The following CTDSPL variants were observed in gnomAD, a reference collection of about 807,000 sequenced individuals.
The protein encoded by CTDSPL is CTD small phosphatase-like protein.
A neutral mutation model predicts 30.5 loss-of-function variants in CTDSPL; 8 were observed. The ratio of observed to expected loss-of-function variants is 0.26; its 90% confidence interval spans 0.15 to 0.47. The LOEUF (loss-of-function observed/expected upper bound fraction) is 0.47. Ranked by LOEUF, CTDSPL falls within the 20% of genes least tolerant of loss-of-function variation. The probability of loss-of-function intolerance (pLI) is 0.99; values close to 1 mark genes in which losing one functional copy is unlikely to be tolerated. For missense variants in CTDSPL, 248 were observed against 366.1 expected (o/e 0.68, Z 2.63); for synonymous variants, 110 against 137.9 (o/e 0.80, Z 1.42).
At chr3:37,912,345 T>C (rs1183628974) in intron 1 of CTDSPL, among the ~76,000 whole-genome samples, 1 of 152,226 alleles carries the variant, frequency 6.6e-6, no homozygotes, top group Non-Finnish European at 1.5e-5. Context: ...GGATTTGTAG[T>C]ACCCAGCCTC....
In CTDSPL at chr3:37,969,293, C is replaced by T. The variant is rs186390027; in HGVS notation, c.426+1411C>T. On this transcript the variant is annotated intron_variant, in intron 5 of 7. Transcript: ENST00000273179. The stretch of plus-strand genomic sequence containing the variant: ...TGCAGGAGCTCCCCCACCCTCCATC[C>T]TGGCTGTGCTGTGATATCACAAGGT... 5.6e-3 allele frequency: 2,585 copies of T among 459,624 alleles called. 8 individuals are homozygous for T. Among genetic ancestry groups the T allele is most frequent in the Non-Finnish European group, 9.0e-3 (2,001 of 223,390 alleles). 28.5% of individuals were successfully genotyped at this position (459,624 alleles called of 1,614,324 possible).
rs529193443 is a variant in CTDSPL at position 37,928,973 on chromosome 3, G to A, written c.80-18084G>A. On this transcript the variant is annotated intron_variant, in intron 1 of 7. Transcript: ENST00000273179. The stretch of plus-strand genomic sequence containing the variant: ...ACTTTTGTGTAGGGCATAAAATAAA[G>A]GTCCAACTTCATTCTTTTGCATGTG... Among the ~76,000 whole-genome samples, 3 of 152,220 alleles carry A rather than the reference G, an allele frequency of 2.0e-5. No individual in the cohort carries two copies. In the South Asian group the frequency reaches 6.2e-4, roughly 32 times the overall value.
At chr3:37,932,854 TAAAG>T (rs1030752411) in intron 1 of CTDSPL, among the ~76,000 whole-genome samples, 3 of 152,174 alleles carry the variant, frequency 2.0e-5, no homozygotes, top group African/African-American at 7.2e-5. Context: ...GACATGGACA[TAAAG>T]ATTATGTGCA....
chr3:37,888,045 G>A (rs1411762624), intron 1 of CTDSPL, among the ~76,000 whole-genome samples: 1 of 152,200 alleles, frequency 6.6e-6, no homozygotes, highest in Non-Finnish European at 1.5e-5. Context: ...CTGAAAAGAT[G>A]TGTGAGTGTT....
intron 1 of CTDSPL, among the ~76,000 whole-genome samples, chr3:37,882,347 C>T (rs1176771560): frequency 6.7e-6 from 1 of 150,250 alleles, no homozygotes; most frequent in Non-Finnish European, 1.5e-5. Flanking sequence ...GAGGCTGAGG[C>T]AGGAGAATGG....
At chr3:37,929,255 A>G (rs1465890032) in intron 1 of CTDSPL, among the ~76,000 whole-genome samples, 1 of 152,156 alleles carries the variant, frequency 6.6e-6, no homozygotes. Context: ...TGTTTTGGCT[A>G]TTAAGGGTCT....
rs567672885 is a variant in CTDSPL, at chr3:37,869,817, G to T, written c.79+7539G>T. Among the ~76,000 whole-genome samples, 6 of 152,168 alleles carry T rather than the reference G, an allele frequency of 3.9e-5. No individual in the cohort carries two copies. In the South Asian group the frequency reaches 1.0e-3, roughly 26 times the overall value. On this transcript the variant is annotated intron_variant, in intron 1 of 7. Coordinates refer to ENST00000273179, the MANE Select transcript of CTDSPL (RefSeq NM_001008392.2). Reference sequence around the variant, plus strand: ...AATTTTTCTGAGAGTTTTTAATCAAGAATGAATGTTAACTTTTGTCTTATG... The same window carrying T: ...AATTTTTCTGAGAGTTTTTAATCAATAATGAATGTTAACTTTTGTCTTATG...
chr3:37,915,459 C>T (rs1283511915), intron 1 of CTDSPL, among the ~76,000 whole-genome samples: 3 of 151,842 alleles, frequency 2.0e-5, no homozygotes, highest in Non-Finnish European at 2.9e-5. Flanking sequence ...TATCTTTTAC[C>T]CTCTCATCTT....
chr3:37,977,991 T>C (rs772490181), intron 7 of CTDSPL, among the ~76,000 whole-genome samples: 1 of 152,256 alleles, frequency 6.6e-6, no homozygotes, highest in African/African-American at 2.4e-5. Context: ...AGCCCACTTT[T>C]AAAGATTTAA....
At chr3:37,960,528 ATATAT>A (rs1699230807) in intron 3 of CTDSPL, among the ~76,000 whole-genome samples, 1 of 77,366 alleles carries the variant, frequency 1.3e-5, no homozygotes, top group African/African-American at 5.3e-5. Flanking sequence ...ATATATATAT[ATATAT>A]ATACACACAC....
intron 4 of CTDSPL, among the ~76,000 whole-genome samples, chr3:37,965,616 C>G (rs1427700851): frequency 6.6e-6 from 1 of 152,146 alleles, no homozygotes; most frequent in Non-Finnish European, 1.5e-5. Flanking sequence ...TGAAGGTCAC[C>G]ATCCATGATG....
At chr3:37,889,615 A>T (rs1698301925) in intron 1 of CTDSPL, among the ~76,000 whole-genome samples, 2 of 152,234 alleles carry the variant, frequency 1.3e-5, no homozygotes, top group South Asian at 4.1e-4. Context: ...GAATTTTCAG[A>T]ACTGAAGGTC....
rs867238622 is a variant in CTDSPL at position 37,904,690 on chromosome 3, G to A, written c.80-42367G>A. 5.9e-5 allele frequency among the ~76,000 whole-genome samples: 9 copies of A among 152,272 alleles called. No homozygotes were observed. The South Asian group carries it at 1.4e-3, about 25-fold the overall frequency. On this transcript the variant is annotated intron_variant, in intron 1 of 7. Transcript: ENST00000273179. Reference sequence around the variant, plus strand: ...TCAGCCCCCTTTTTATAGAGAAAACGTATGAGTGGCCAGGAGTCCCTTTCT... The same window carrying A: ...TCAGCCCCCTTTTTATAGAGAAAACATATGAGTGGCCAGGAGTCCCTTTCT...
At chr3:37,927,706 A>ATATATATATAT (rs61251867) in intron 1 of CTDSPL, among the ~76,000 whole-genome samples, 1 of 144,574 alleles carries the variant, frequency 6.9e-6, no homozygotes, top group African/African-American at 2.7e-5. Flanking sequence ...ATATATATAT[A>ATATATATATAT]AAAAATGAAA....
At chr3:37,968,778 T>C (rs953316150) in intron 5 of CTDSPL, among the ~76,000 whole-genome samples, 3 of 152,208 alleles carry the variant, frequency 2.0e-5, no homozygotes, top group African/African-American at 7.2e-5. Flanking sequence ...AGCTGCCTCA[T>C]TGTCTAGATG....
In CTDSPL at chr3:37,982,315, G is replaced by A; in HGVS notation, c.*1448G>A. On this transcript the variant is annotated 3_prime_UTR_variant, in exon 8 of 8. Transcript: ENST00000273179. ...GAGAGGAAGAGCTCCCACAGGGAGA[G>A]CCCAGGCTCTCTTTGCAGCCTTTCC... The A allele has an allele frequency of 5.8e-6, 2 of 343,862 alleles. No individual in the cohort carries two copies. The highest frequency in any genetic ancestry group is 4.5e-5 in the South Asian group (2 of 44,062). The allele number at this position is 343,862 out of a possible 1,614,324, so 21.3% of individuals were successfully genotyped here.
chr3:37,946,462 T>C (rs1699039847), intron 1 of CTDSPL, among the ~76,000 whole-genome samples: 1 of 152,184 alleles, frequency 6.6e-6, no homozygotes, highest in African/African-American at 2.4e-5. Context: ...AGCCCTAAGC[T>C]CTGTGGATCC....
chr3:37,977,836 G>T (rs1699447030), intron 7 of CTDSPL, among the ~76,000 whole-genome samples: 1 of 152,026 alleles, frequency 6.6e-6, no homozygotes, highest in Non-Finnish European at 1.5e-5. Flanking sequence ...GGTCGAGGCT[G>T]CAGTGAGCCA....
intron 1 of CTDSPL, among the ~76,000 whole-genome samples, chr3:37,919,060 G>A (rs1698683849): frequency 6.6e-6 from 1 of 152,140 alleles, no homozygotes; most frequent in Admixed American, 6.6e-5. Flanking sequence ...TTGGCTGAAT[G>A]GATTCCATGC....
Sources: allele counts gnomAD v4.1 joint callset (sites outside exome capture counted in the v4.1 genomes callset), GRCh38; gene constraint gnomAD v4.1.1; transcripts MANE v1.5; gene names NCBI Gene and HGNC (gene_info 2026-07-23, HGNC 2026-07-21).